MTMR10: variants seen among roughly 807,000 people sequenced by gnomAD.
The protein encoded by MTMR10 is myotubularin related protein 10.
In MTMR10, 56 loss-of-function variants were observed where a neutral mutation model predicts 88.1. The ratio of observed to expected loss-of-function variants is 0.64; its 90% CI spans 0.51 to 0.79. The LOEUF is 0.79. Ranked by LOEUF, MTMR10 falls within the 30% of genes least tolerant of loss-of-function variation. MTMR10 has a pLI of 0.00. For missense variants in MTMR10, 883 were observed against 924.7 expected, an observed-to-expected ratio of 0.95 and a Z score of 0.58; for synonymous variants, 380 against 340.9, an observed-to-expected ratio of 1.11 and a Z score of -1.26.
intron 14 of MTMR10, 142 bp from the exon 15 acceptor site, chr15:30,943,214 A>G (rs908426871): frequency 1.4e-6 from 2 of 1,403,830 alleles, no homozygotes; most frequent in East Asian, 2.6e-5. Context: ...CTTTCACTTC[A>G]AGAGAGGAGA....
At chr15:30,937,279 T>G, downstream of MTMR10, 4 of 1,591,784 alleles carry the variant, frequency 2.5e-6, no homozygotes, top group African/African-American at 1.4e-5. Flanking sequence ...TGGGGATATT[T>G]GGTCATACAT....
rs758738133 is a variant in MTMR10, at chr15:30,953,580, C to T, written c.1118G>A (p.Arg373Gln). Reference protein sequence around the residue: ...EKWLSSLENTRWLEYVRAFLK... With the variant: ...EKWLSSLENTQWLEYVRAFLK... Reference sequence around the variant, plus strand: ...TACAAACCTTACATATTCTAACCATCGAGTATTTTCCAGTGAAGATAACCA... The same window carrying T: ...TACAAACCTTACATATTCTAACCATTGAGTATTTTCCAGTGAAGATAACCA... The change falls in exon 11 of 16, where the codon CGA becomes CAA. Residue 373 changes from arginine to glutamine, a missense_variant. Around this residue, in one of 3 missense-constraint regions of MTMR10, gnomAD observed 126 missense variants for 178.2 expected, o/e 0.71. Coordinates refer to ENST00000435680, the MANE Select transcript of MTMR10 (RefSeq NM_017762.3). 7 of 1,546,020 alleles carry T rather than the reference C, an allele frequency of 4.5e-6. No individual in the cohort carries two copies. The highest frequency in any genetic ancestry group is 3.6e-5 in the South Asian group (3 of 83,898).
At chr15:30,928,716 C>T in the MTMR10 span, 1 of 1,608,166 alleles carries the variant, frequency 6.2e-7, no homozygotes, top group Non-Finnish European at 8.5e-7. Flanking sequence ...GGCTCACGCC[C>T]ACCTGGGCAC....
intron 2 of MTMR10, among the ~76,000 whole-genome samples, chr15:30,981,809 C>G (rs2030594479): frequency 6.6e-6 from 1 of 152,098 alleles, no homozygotes; most frequent in Non-Finnish European, 1.5e-5. Context: ...CATTCTCATG[C>G]CTGTAATCTT....
intron 9 of MTMR10, chr15:30,956,424 T>C (rs1381343748): frequency 6.6e-6 from 1 of 152,236 alleles, no homozygotes; most frequent in Non-Finnish European, 1.5e-5. Flanking sequence ...CCATGGATGA[T>C]GTAATCATGA....
At chr15:30,966,953 A>C (rs2063480200) in intron 6 of MTMR10, among the ~76,000 whole-genome samples, 1 of 150,940 alleles carries the variant, frequency 6.6e-6, no homozygotes, top group African/African-American at 2.4e-5. Context: ...ATCTTCAGAT[A>C]CCGTACACTG....
Position 30,941,404 on chromosome 15 carries a change from T to A in MTMR10, c.*66A>T, listed in dbSNP as rs547375227. On this transcript the variant is annotated 3_prime_UTR_variant, in exon 16 of 16. Transcript: ENST00000435680. ...TTATTAGAGATTCAAACGCCTAGGT[T>A]AGCAATGTTAATTCAGAGGAAAAAA... 62 of 1,560,180 alleles carry A rather than the reference T, an allele frequency of 4.0e-5. No homozygotes were observed. The African/African-American group carries it at 7.9e-4, about 20-fold the overall frequency.
chr15:30,929,112 G>A, the MTMR10 span: 17 of 1,095,616 alleles, frequency 1.6e-5, no homozygotes, highest in African/African-American at 1.2e-4. Flanking sequence ...TCGGTTGGCC[G>A]GTTTCCAAGT....
Position 30,939,858 on chromosome 15 carries a change from C to T in MTMR10, c.*1612G>A, listed in dbSNP as rs139084393. Reference sequence around the variant, plus strand: ...TGTTTAATAATTCTATTTGTATAAACTGAAACTAGCCCTTATTTTCTAGGC... The same window carrying T: ...TGTTTAATAATTCTATTTGTATAAATTGAAACTAGCCCTTATTTTCTAGGC... On this transcript the variant is annotated 3_prime_UTR_variant, in exon 16 of 16. Transcript: ENST00000435680. 6 of 985,318 alleles carry T rather than the reference C, an allele frequency of 6.1e-6. No individual in the cohort carries two copies. Among genetic ancestry groups the T allele is most frequent in the Non-Finnish European group, 7.2e-6 (6 of 829,824 alleles). 61.0% of individuals were successfully genotyped at this position (985,318 alleles called of 1,614,324 possible).
chr15:30,941,627 G>T lies in MTMR10; in HGVS notation c.2177C>A (p.Thr726Asn), dbSNP rs766928765. 6.0e-5 allele frequency: 97 copies of T among 1,606,558 alleles called. No individual in the cohort carries two copies. The highest frequency in any genetic ancestry group is 8.2e-5 in the Non-Finnish European group (96 of 1,176,324). Reference protein sequence around the residue: ...MYFNASGPHHTDTSGTPEFLS... With the variant: ...MYFNASGPHHNDTSGTPEFLS... ...AAACTCCGGTGTCCCCGAGGTGTCG[G>T]TGTGGTGAGGGCCGCTGGCGTTGAA... Residue 726 changes from threonine to asparagine, a missense_variant, in exon 16 of 16, where the codon ACC becomes AAC. By Grantham distance (65) the Thr-to-Asn change is moderately conservative (BLOSUM62 0). Around this residue, in one of 3 missense-constraint regions of MTMR10, gnomAD observed 343 missense variants for 323.2 expected, o/e 1.06. Transcript: ENST00000435680.
the MTMR10 span, chr15:30,925,110 A>G: frequency 5.0e-6 from 8 of 1,603,762 alleles, no homozygotes; most frequent in East Asian, 6.7e-5. Context: ...CTGATGTGTG[A>G]CCATGCTCTC....
chr15:30,986,155 A>G (rs2030925552), intron 2 of MTMR10, among the ~76,000 whole-genome samples: 2 of 152,052 alleles, frequency 1.3e-5, no homozygotes. Flanking sequence ...CATCTCCACA[A>G]AAAATACAAA....
At chr15:30,929,508 ATG>A in the MTMR10 span, 2 of 576,378 alleles carry the variant, frequency 3.5e-6, no homozygotes, top group South Asian at 2.4e-5. Flanking sequence ...AAATACATGT[ATG>A]TGTGTGCATA....
intron 2 of MTMR10, among the ~76,000 whole-genome samples, chr15:30,983,200 C>T (rs767833228): frequency 6.6e-6 from 1 of 152,310 alleles, no homozygotes; most frequent in Non-Finnish European, 1.5e-5. Context: ...GGACCATTTA[C>T]AGCACCAAGC....
chr15:30,928,254 G>A, the MTMR10 span: 2 of 1,143,468 alleles, frequency 1.7e-6, no homozygotes, highest in Non-Finnish European at 1.1e-6. Context: ...TTTTAAACAT[G>A]TTTCTTAGGT....
intron 7 of MTMR10, 29 bp from the exon 8 acceptor site, chr15:30,959,150 T>C: frequency 1.3e-6 from 2 of 1,536,328 alleles, no homozygotes; most frequent in East Asian, 2.4e-5. Flanking sequence ...ATTATATGAG[T>C]GCTGTGCTAA....
intron 9 of MTMR10, among the ~76,000 whole-genome samples, chr15:30,957,077 T>G (rs982749625): frequency 6.6e-6 from 1 of 152,196 alleles, no homozygotes; most frequent in African/African-American, 2.4e-5. Context: ...GGAAAAACCC[T>G]ACACTCTGGC....
intron 9 of MTMR10, among the ~76,000 whole-genome samples, chr15:30,958,269 C>T (rs2063354057): frequency 6.6e-6 from 1 of 152,228 alleles, no homozygotes; most frequent in Non-Finnish European, 1.5e-5. Context: ...GATGGGTCTG[C>T]AGAAGGCACG....
chr15:30,976,996 A>T, intron 2 of MTMR10, 41 bp from the exon 3 acceptor site: 1 of 1,585,966 alleles, frequency 6.3e-7, no homozygotes, highest in Non-Finnish European at 8.6e-7. Context: ...CTTTGTCATA[A>T]AATACCAACG....
Sources: allele counts gnomAD v4.1 joint callset (sites outside exome capture counted in the v4.1 genomes callset), GRCh38; gene constraint gnomAD v4.1.1; regional missense constraint gnomAD v4.1.1; transcripts MANE v1.5; gene names NCBI Gene and HGNC (gene_info 2026-07-23, HGNC 2026-07-21).